Variants in ARHGEF10L observed in about 807,000 individuals in gnomAD.
ARHGEF10L encodes the protein rho guanine nucleotide exchange factor 10-like protein.
Under a neutral mutation model 141.2 loss-of-function variants are expected in ARHGEF10L, and 69 were observed. That is an observed-to-expected ratio of 0.49 (90% CI 0.40 to 0.60). The LOEUF (loss-of-function observed/expected upper bound fraction) is 0.60, where lower values mean the gene tolerates loss of function less well. ARHGEF10L is among the 20% of genes least tolerant of loss of function. The pLI is 0.00. For missense variants in ARHGEF10L, 1,482 were observed against 1,734.3 expected (o/e 0.85, Z 2.58); for synonymous variants, 711 against 718.5 (o/e 0.99, Z 0.17).
intron 7 of ARHGEF10L, among the ~76,000 whole-genome samples, chr1:17,611,813 A>G (rs1478580438): frequency 6.6e-6 from 1 of 152,194 alleles, no homozygotes; most frequent in East Asian, 1.9e-4. Context: ...AGGAGCCTAC[A>G]TGCCTCCAGA....
At chr1:17,678,037 C>T (rs1200767317) in intron 26 of ARHGEF10L, among the ~76,000 whole-genome samples, 1 of 152,086 alleles carries the variant, frequency 6.6e-6, no homozygotes, top group Non-Finnish European at 1.5e-5. Flanking sequence ...TGTGGGCAGC[C>T]CAGCACGTGC....
chr1:17,668,993 C>T (rs944968943), intron 26 of ARHGEF10L, among the ~76,000 whole-genome samples: 5 of 152,278 alleles, frequency 3.3e-5, no homozygotes, highest in Middle Eastern at 3.4e-3. Context: ...CGCCTGGAGC[C>T]GGGGCTGCTG....
At chr1:17,655,420 C>G (rs925613455) in intron 23 of ARHGEF10L, among the ~76,000 whole-genome samples, 11 of 151,514 alleles carry the variant, frequency 7.3e-5, no homozygotes, top group Admixed American at 5.3e-4. Context: ...ATCCTTCCAT[C>G]TATCTGTCTA....
At position 17,623,007 on chromosome 1, in the gene ARHGEF10L, C is replaced by T. The variant is rs755468831; in HGVS notation, c.1032C>T (p.Asn344=). The T allele has an allele frequency of 5.0e-6, 8 of 1,612,884 alleles. No homozygotes were observed. The South Asian group carries it at 7.7e-5, about 16-fold the overall frequency. Residue 344 remains asparagine (N), a synonymous_variant, in exon 12 of 29, where the codon AAC becomes AAT. Transcript: ENST00000361221. This position sits in a 1 kb window ranked among gnomAD's most constrained non-coding sequence, Gnocchi z 4.7. The part of the protein sequence containing the change: ...SLKRILQDYR[N]PLMEMEPKAL... ...GCCCTCCCCGGCAGGACTACCGCAACCCCCTGATGGAGATGGAGCCCAAGG... is the reference window on the plus strand; with the variant it reads ...GCCCTCCCCGGCAGGACTACCGCAATCCCCTGATGGAGATGGAGCCCAAGG...
chr1:17,642,584 G>C (rs2061387586), intron 21 of ARHGEF10L, among the ~76,000 whole-genome samples: 1 of 152,190 alleles, frequency 6.6e-6, no homozygotes, highest in South Asian at 2.1e-4. Context: ...GGAATGGGGA[G>C]GGGTTGCCTG....
intron 4 of ARHGEF10L, among the ~76,000 whole-genome samples, chr1:17,592,854 C>T (rs761256383): frequency 9.2e-5 from 14 of 152,284 alleles, no homozygotes; most frequent in South Asian, 8.3e-4. Context: ...TGGCAGATAC[C>T]GGCTCTCCGC....
intron 21 of ARHGEF10L, among the ~76,000 whole-genome samples, chr1:17,640,598 A>T (rs2061274102): frequency 6.6e-6 from 1 of 152,180 alleles, no homozygotes. Flanking sequence ...AGGATAATGG[A>T]GAATGACTGC....
At chr1:17,531,623 CT>C in the ARHGEF10L span, among the ~76,000 whole-genome samples, 1 of 152,188 alleles carries the variant, frequency 6.6e-6, no homozygotes. Context: ...CAGTGGGCCT[CT>C]GTAAACGGGA....
intron 25 of ARHGEF10L, among the ~76,000 whole-genome samples, chr1:17,657,294 G>A (rs883379): frequency 0.21 from 31,452 of 152,180 alleles, 3,681 homozygotes; most frequent in African/African-American, 0.31. Flanking sequence ...TGCTTAATGC[G>A]TGTGTGTTAT....
chr1:17,623,451 A>G lies in ARHGEF10L; in HGVS notation c.1200+276A>G, dbSNP rs1438336967. 6.6e-6 allele frequency among the ~76,000 whole-genome samples: 1 copy of G among 152,144 alleles called. No individual in the cohort carries two copies. The highest frequency in any genetic ancestry group is 6.5e-5 in the Admixed American group (1 of 15,286). On this transcript the variant is annotated intron_variant, in intron 12 of 28. Transcript: ENST00000361221. The surrounding 1 kb of genome is among the most constrained non-coding windows in gnomAD (Gnocchi z 4.7). ...AGGTGGCAGCACCCCCTGGCCTCCC[A>G]GTCACTGTGGGCAGCCACCTGGCCG...
intron 26 of ARHGEF10L, among the ~76,000 whole-genome samples, chr1:17,687,320 C>T (rs2064690488): frequency 6.6e-6 from 1 of 152,220 alleles, no homozygotes; most frequent in Admixed American, 6.5e-5. Context: ...AGAATGTTTA[C>T]ACCATGGAAA....
At chr1:17,694,518 G>A (rs1040149429) in intron 27 of ARHGEF10L, 4 of 202,672 alleles carry the variant, frequency 2.0e-5, no homozygotes, top group Admixed American at 5.4e-5. Flanking sequence ...AGAGCTGAGG[G>A]GAGAGCTAAA....
In ARHGEF10L at chr1:17,549,451, G is replaced by A. The variant is rs532597617; in HGVS notation, c.-44+9501G>A. ...GGATGGTGATAACTGGGGATGAGGG[G>A]TAGAGAGGGTGTATGTGGGGGTGGG... On this transcript the variant is annotated intron_variant, in intron 1 of 28. Transcript: ENST00000361221. 2.0e-5 allele frequency among the ~76,000 whole-genome samples: 3 copies of A among 152,256 alleles called. No individual in the cohort carries two copies. The South Asian group carries it at 6.2e-4, about 32-fold the overall frequency.
rs760033554 is a variant in ARHGEF10L, at chr1:17,687,673, G to A, written c.3110G>A (p.Arg1037His). The change falls in exon 27 of 29, where the codon CGC (arginine) becomes CAC (histidine). Residue 1037 changes from arginine (R) to histidine (H), a missense_variant. Coordinates refer to ENST00000361221, the MANE Select transcript of ARHGEF10L (RefSeq NM_018125.4). ...GCCTTCTCCTCCGGCACCTCCATCC[G>A]CCTCTTCCACACTGAGACCCTGGAG... ...WMAFSSGTSI[R>H]LFHTETLEHL... 5.5e-5 allele frequency: 89 copies of A among 1,611,936 alleles called. No individual in the cohort carries two copies. Among genetic ancestry groups the A allele is most frequent in the South Asian group, 1.2e-4 (11 of 90,892 alleles).
At chr1:17,584,286 C>T (rs1213827424) in intron 2 of ARHGEF10L, among the ~76,000 whole-genome samples, 1 of 152,158 alleles carries the variant, frequency 6.6e-6, no homozygotes, top group East Asian at 1.9e-4. Context: ...CTGAAGCCAT[C>T]CTCCTGCCCC....
intron 11 of ARHGEF10L, among the ~76,000 whole-genome samples, chr1:17,622,540 C>T (rs1188132229): frequency 2.6e-5 from 4 of 152,114 alleles, no homozygotes; most frequent in Non-Finnish European, 5.9e-5. Context: ...CCCTCTCTTC[C>T]CCTCTTGAGT....
At chr1:17,541,147 G>A (rs1247281242) in intron 1 of ARHGEF10L, among the ~76,000 whole-genome samples, 1 of 152,112 alleles carries the variant, frequency 6.6e-6, no homozygotes, top group African/African-American at 2.4e-5. Context: ...CCTTCCTGAG[G>A]CCCCCTGTCC....
At chr1:17,556,435 T>C (rs2077330597) in intron 1 of ARHGEF10L, among the ~76,000 whole-genome samples, 1 of 152,098 alleles carries the variant, frequency 6.6e-6, no homozygotes, top group South Asian at 2.1e-4. Flanking sequence ...GGCCTGGGCT[T>C]AGTGATTTGT....
At chr1:17,520,116 C>T in the ARHGEF10L span, among the ~76,000 whole-genome samples, 6 of 152,184 alleles carry the variant, frequency 3.9e-5, no homozygotes, top group Non-Finnish European at 8.8e-5. Context: ...TTGGTTCTTG[C>T]CCCTCCCTTC....
Sources: gnomAD v4.1 joint callset for allele counts (sites outside exome capture counted in the v4.1 genomes callset) on GRCh38, gnomAD v4.1.1 for gene constraint, Gnocchi (gnomAD v3.1) non-coding constraint, MANE v1.5 for transcripts, NCBI Gene and HGNC (gene_info 2026-07-23, HGNC 2026-07-21) for gene names.